CSMD3: variants seen among roughly 807,000 people sequenced by gnomAD.
CSMD3 encodes the protein CUB and sushi domain-containing protein 3.
CSMD3 carries 177 observed loss-of-function variants against 435.2 expected under a neutral mutation model. That is an observed-to-expected ratio of 0.41 (90% CI 0.36 to 0.46). The LOEUF (loss-of-function observed/expected upper bound fraction) is 0.46, where lower values mean the gene tolerates loss of function less well. Among genes scored for constraint, CSMD3 ranks in the 20% least tolerant of loss-of-function variants. CSMD3 has a pLI of 0.34. For missense variants in CSMD3, 4,265 were observed against 4,504.6 expected, an observed-to-expected ratio of 0.95 and a Z score of 1.52; for synonymous variants, 1,656 against 1,520.5, an observed-to-expected ratio of 1.09 and a Z score of -2.07.
intron 12 of CSMD3, among the ~76,000 whole-genome samples, chr8:112,809,454 A>C (rs2079169146): frequency 6.6e-6 from 1 of 152,206 alleles, no homozygotes; most frequent in Non-Finnish European, 1.5e-5. Flanking sequence ...TTTTCTAGAT[A>C]AGTAATTTTG....
At chr8:112,372,285 T>A (rs145531767) in intron 38 of CSMD3, among the ~76,000 whole-genome samples, 238 of 152,242 alleles carry the variant, frequency 1.6e-3, no homozygotes, top group African/African-American at 5.3e-3. Flanking sequence ...ACAAAATTCA[T>A]GTGTGAAAAA....
intron 10 of CSMD3, among the ~76,000 whole-genome samples, chr8:112,874,905 C>A (rs1043608537): frequency 1.3e-5 from 2 of 151,990 alleles, no homozygotes; most frequent in Non-Finnish European, 2.9e-5. Context: ...TTGGGGCACT[C>A]AGCCAGTTTA....
chr8:113,093,859 G>C (rs888124926), intron 5 of CSMD3, among the ~76,000 whole-genome samples: 1 of 151,930 alleles, frequency 6.6e-6, no homozygotes, highest in Non-Finnish European at 1.5e-5. Flanking sequence ...ACATTACATA[G>C]ATTTTCTATG....
chr8:113,069,019 G>C (rs2088984373), intron 5 of CSMD3, among the ~76,000 whole-genome samples: 1 of 131,336 alleles, frequency 7.6e-6, no homozygotes, highest in South Asian at 2.6e-4. Flanking sequence ...ACTTAACCAA[G>C]GTTTCAAGTG....
rs73340229 is a variant in CSMD3, at chr8:113,099,376, A to T, written c.710-413T>A. Among the ~76,000 whole-genome samples the T allele has an allele frequency of 3.8e-3, 578 of 152,148 alleles. 4 individuals are homozygous for T. Among genetic ancestry groups the T allele is most frequent in the African/African-American group, 0.013 (542 of 41,580 alleles). ...GACGGAAGAGCTTTTTGGTTTTTCAATGCAAGTATGTACAACACAAAGACA... is the reference window on the plus strand; with the variant it reads ...GACGGAAGAGCTTTTTGGTTTTTCATTGCAAGTATGTACAACACAAAGACA... On this transcript the variant is annotated intron_variant, in intron 4 of 70. Coordinates refer to ENST00000297405, the MANE Select transcript of CSMD3 (RefSeq NM_198123.2).
chr8:112,476,686 G>A (rs1819086745), intron 31 of CSMD3, among the ~76,000 whole-genome samples: 1 of 152,090 alleles, frequency 6.6e-6, no homozygotes, highest in South Asian at 2.1e-4. Flanking sequence ...TATGCCTATA[G>A]AACCCAATAA....
At chr8:112,624,511 A>C (rs917736694) in intron 22 of CSMD3, among the ~76,000 whole-genome samples, 12 of 152,112 alleles carry the variant, frequency 7.9e-5, no homozygotes, top group South Asian at 2.1e-4. Flanking sequence ...GAGATCTGGA[A>C]GACAGACAAA....
rs1450749961 is a variant in CSMD3 at position 112,682,511 on chromosome 8, T to C, written c.2608A>G (p.Thr870Ala). 4 of 1,613,702 alleles carry C rather than the reference T, an allele frequency of 2.5e-6. No individual in the cohort carries two copies. The South Asian group carries it at 4.4e-5, about 18-fold the overall frequency. The change falls in exon 16 of 71, where the codon ACA becomes GCA. Residue 870 changes from threonine to alanine, a missense_variant. Around this residue, in one of 3 missense-constraint regions of CSMD3, gnomAD observed 279 missense variants for 369.0 expected, o/e 0.76. Coordinates refer to ENST00000297405, the MANE Select transcript of CSMD3 (RefSeq NM_198123.2). ...CEEGFIKTQG[T>A]ETITCILMDG... ...ATAAGAATACATGTAATTGTTTCTG[T>C]TCCCTGGGTTTTAATAAATCCTTCT...
rs576557253 is a variant in CSMD3 at position 112,771,222 on chromosome 8, A to G, written c.1972+28940T>C. On this transcript the variant is annotated intron_variant, in intron 13 of 70. Coordinates refer to ENST00000297405, the MANE Select transcript of CSMD3 (RefSeq NM_198123.2). ...GTACCAAACACACTTGGTAGTTCAC[A>G]GCACTGATTAAATGAGGAGTTTTAA... Among the ~76,000 whole-genome samples, 15 of 152,198 alleles carry G rather than the reference A, an allele frequency of 9.9e-5. No homozygotes were observed. In the East Asian group the frequency reaches 2.9e-3, roughly 30 times the overall value.
chr8:112,750,722 G>A (rs1214072892), intron 13 of CSMD3, among the ~76,000 whole-genome samples: 1 of 152,018 alleles, frequency 6.6e-6, no homozygotes, highest in Non-Finnish European at 1.5e-5. Context: ...AGATGACAGA[G>A]TTCAGATCAT....
chr8:113,070,204 C>T (rs2089047049), intron 5 of CSMD3, among the ~76,000 whole-genome samples: 1 of 152,048 alleles, frequency 6.6e-6, no homozygotes, highest in African/African-American at 2.4e-5. Context: ...AAAAATTTAT[C>T]TCCAAGAGGG....
At chr8:112,494,500 T>TTTCC (rs1563615207) in intron 30 of CSMD3, among the ~76,000 whole-genome samples, 2 of 33,288 alleles carry the variant, frequency 6.0e-5, no homozygotes, top group African/African-American at 1.8e-4. Context: ...CTCTCCTTTC[T>TTTCC]TTCTTTCTTT....
intron 6 of CSMD3, among the ~76,000 whole-genome samples, chr8:113,001,481 C>A (rs919472775): frequency 2.0e-5 from 3 of 152,046 alleles, no homozygotes; most frequent in African/African-American, 7.2e-5. Flanking sequence ...TCTTCTCATG[C>A]CAAACTTATT....
At chr8:113,306,924 A>C (rs1588484065) in intron 2 of CSMD3, among the ~76,000 whole-genome samples, 1 of 152,278 alleles carries the variant, frequency 6.6e-6, no homozygotes, top group East Asian at 1.9e-4. Flanking sequence ...TCAAGTTTGT[A>C]TAATAAATAT....
chr8:112,927,806 C>T (rs527656531), intron 9 of CSMD3, among the ~76,000 whole-genome samples: 52 of 152,002 alleles, frequency 3.4e-4, no homozygotes, highest in South Asian at 6.2e-4. Context: ...AGACTATGTC[C>T]GATACAAAGA....
chr8:113,416,186 A>G (rs967574961), intron 1 of CSMD3, among the ~76,000 whole-genome samples: 1 of 152,030 alleles, frequency 6.6e-6, no homozygotes, highest in African/African-American at 2.4e-5. Flanking sequence ...TACTATGTCA[A>G]TTTTCAGGTA....
chr8:112,322,268 G>A (rs2130880924), intron 45 of CSMD3, among the ~76,000 whole-genome samples: 1 of 152,154 alleles, frequency 6.6e-6, no homozygotes, highest in South Asian at 2.1e-4. Context: ...TTCTGAGAAT[G>A]ACCTAGATAA....
rs376026224 is a variant in CSMD3 at position 112,369,996 on chromosome 8, A to AGAAGAGGAAGAGGAAGAAGAGGAAGAG, written c.6136+10355_6136+10356insCTCTTCCTCTTCTTCCTCTTCCTCTTC. On this transcript the variant is annotated intron_variant, in intron 38 of 70. Transcript: ENST00000297405. Reference sequence around the variant, plus strand: ...AAGAAGAAGAGAAAGAGGAAGAGGAAGAAGAAGAGGAAGAGGAAGAAGAAG... The same window carrying AGAAGAGGAAGAGGAAGAAGAGGAAGAG: ...AAGAAGAAGAGAAAGAGGAAGAGGAAGAAGAGGAAGAGGAAGAAGAGGAAGAGGAAGAAGAGGAAGAGGAAGAAGAAG... Among the ~76,000 whole-genome samples the AGAAGAGGAAGAGGAAGAAGAGGAAGAG allele has an allele frequency of 2.2e-4, 14 of 63,134 alleles. 1 individual carries two copies. Among genetic ancestry groups the AGAAGAGGAAGAGGAAGAAGAGGAAGAG allele is most frequent in the African/African-American group, 5.5e-4 (12 of 21,720 alleles). The allele number at this position is 63,134 out of a possible 152,430, so 41.4% of individuals were successfully genotyped here.
chr8:112,876,162 A>C (rs1415022731), intron 10 of CSMD3, among the ~76,000 whole-genome samples: 2 of 152,124 alleles, frequency 1.3e-5, no homozygotes, highest in Non-Finnish European at 2.9e-5. Flanking sequence ...ACCAATAACA[A>C]GTTCTGAAAC....
Sources: gnomAD v4.1 joint callset for allele counts (sites outside exome capture counted in the v4.1 genomes callset) on GRCh38, gnomAD v4.1.1 for gene constraint, gnomAD v4.1.1 regional missense constraint, MANE v1.5 for transcripts, NCBI Gene and HGNC (gene_info 2026-07-23, HGNC 2026-07-21) for gene names.